The following GET4 variants were observed in gnomAD, a reference collection of about 807,000 sequenced individuals.
GET4 encodes the protein Golgi to ER traffic protein 4 homolog.
A neutral mutation model predicts 40.0 loss-of-function variants in GET4; 20 were observed. That is an observed-to-expected ratio of 0.50 (90% CI 0.35 to 0.73). The LOEUF is 0.73. Among genes scored for constraint, GET4 ranks in the 30% least tolerant of loss-of-function variants. The pLI, the probability that GET4 is intolerant of heterozygous loss-of-function variation, is 0.01. For synonymous variants in GET4, 280 were observed against 194.6 expected (o/e 1.44, Z -3.65); for missense variants, 557 against 454.0 (o/e 1.23, Z -2.06).
rs764613864 is a variant in GET4 at position 876,790 on chromosome 7, C to T, written c.145C>T (p.Leu49=). 2.4e-6 allele frequency: 3 copies of T among 1,249,110 alleles called. No homozygotes were observed. The highest frequency in any genetic ancestry group is 3.9e-5 in the East Asian group (1 of 25,934). 77.4% of individuals were successfully genotyped at this position (1,249,110 alleles called of 1,614,324 possible). A position where few individuals can be genotyped will look rare whatever the true frequency, so the allele number is the denominator to read the frequency against. Residue 49 remains leucine, a synonymous_variant, in exon 1 of 9, where the codon CTG becomes TTG. Transcript: ENST00000265857. ...CGAGGCGCACCAGATGTACCGGACC[C>T]TGTTCTTCAGGTACCCGCGCCCGGC... ...YYEAHQMYRT[L]FFRYMSQSKH...
intron 1 of GET4, chr7:880,019 C>T (rs1844052137): frequency 6.6e-6 from 1 of 152,230 alleles, no homozygotes; most frequent in South Asian, 2.1e-4. Flanking sequence ...ACCCTGATGC[C>T]TGCCGTGCCT....
At chr7:894,435 C>T (rs117028370) in intron 8 of GET4, among the ~76,000 whole-genome samples, 1 of 152,170 alleles carries the variant, frequency 6.6e-6, no homozygotes, top group Non-Finnish European at 1.5e-5. Flanking sequence ...CGCCTGCCTT[C>T]CCAGCGTCAC....
chr7:879,890 T>G (rs1311382683), intron 1 of GET4: 3 of 152,214 alleles, frequency 2.0e-5, no homozygotes, highest in Non-Finnish European at 4.4e-5. Flanking sequence ...CCGATTGTTC[T>G]TCAGGGATCA....
At chr7:886,330 G>A (rs56109762) in intron 2 of GET4, 196 bp downstream of exon 2, 77,805 of 607,096 alleles carry the variant, frequency 0.13, 6,026 homozygotes, top group Admixed American at 0.16. Flanking sequence ...TCTGCGCTGC[G>A]TTTGTGCACG....
chr7:888,791 G>A lies in GET4; in HGVS notation c.466+1272G>A, dbSNP rs368573072. On this transcript the variant is annotated intron_variant, in intron 4 of 8. Transcript: ENST00000265857. Reference sequence around the variant, plus strand: ...GCATGGCTCCACACAGAACACGGCCGCAGACAACCCTCCTGTGTCCTGCAT... The same window carrying A: ...GCATGGCTCCACACAGAACACGGCCACAGACAACCCTCCTGTGTCCTGCAT... Among the ~76,000 whole-genome samples, 27 of 152,346 alleles carry A rather than the reference G, an allele frequency of 1.8e-4. No individual in the cohort carries two copies. The East Asian group carries it at 2.5e-3, about 14-fold the overall frequency.
intron 1 of GET4, among the ~76,000 whole-genome samples, chr7:877,398 C>G (rs1459904706): frequency 8.7e-5 from 10 of 115,194 alleles, no homozygotes. Context: ...TCCCCCTGCT[C>G]CCTCCGTCTC....
chr7:888,962 C>A (rs955421990), intron 4 of GET4, among the ~76,000 whole-genome samples: 9 of 152,270 alleles, frequency 5.9e-5, no homozygotes, highest in Admixed American at 4.6e-4. Flanking sequence ...GCCACTCCTG[C>A]GCACGGGCCC....
intron 1 of GET4, chr7:878,331 T>C (rs1844010945): frequency 2.1e-6 from 1 of 471,090 alleles, no homozygotes; most frequent in Non-Finnish European, 4.4e-6. Flanking sequence ...TTGTTCTGTG[T>C]GTGGCATTCT....
In GET4 at chr7:890,999, G is replaced by C. The variant is rs377188160; in HGVS notation, c.538G>C (p.Val180Leu). The C allele has an allele frequency of 2.5e-6, 4 of 1,611,664 alleles. No individual in the cohort carries two copies. Among genetic ancestry groups the C allele is most frequent in the Non-Finnish European group, 3.4e-6 (4 of 1,178,052 alleles). Reference protein sequence around the residue: ...ADGEGCANMLVEYSTSRGFRS... With the variant: ...ADGEGCANMLLEYSTSRGFRS... The stretch of plus-strand genomic sequence containing the variant: ...CGGGGAGGGCTGTGCCAACATGCTG[G>C]TGGAGTATTCCACGTCCCGCGGCTT... The change falls in exon 5 of 9, where the codon GTG becomes CTG. Residue 180 changes from valine to leucine, a missense_variant. Coordinates refer to ENST00000265857, the MANE Select transcript of GET4 (RefSeq NM_015949.3).
At chr7:878,501 G>A (rs1844015170) in intron 1 of GET4, among the ~76,000 whole-genome samples, 1 of 151,474 alleles carries the variant, frequency 6.6e-6, no homozygotes, top group South Asian at 2.1e-4. Context: ...TTTTGATATT[G>A]TATTTAAGGG....
At chr7:893,097 G>C (rs977870737) in intron 6 of GET4, among the ~76,000 whole-genome samples, 1 of 148,386 alleles carries the variant, frequency 6.7e-6, no homozygotes, top group Non-Finnish European at 1.5e-5. Flanking sequence ...GTGCGGGCGT[G>C]GTGATGTGTG....
Position 892,299 on chromosome 7 carries a change from A to T in GET4, c.627A>T (p.Lys209Asn), listed in dbSNP as rs962509433. ...AVLQFLCLKN[K>N]SSASVVFTTY... ...CCAGGTTTCTCTGTTTAAAAAACAA[A>T]AGTAGCGCATCGGTGGTCTTCACGA... The change falls in exon 6 of 9, where the codon AAA becomes AAT. Residue 209 changes from lysine to asparagine, a missense_variant. By Grantham distance (94) the Lys-to-Asn change is moderately conservative (BLOSUM62 0). Coordinates refer to ENST00000265857, the MANE Select transcript of GET4 (RefSeq NM_015949.3). 1 of 1,589,022 alleles carries T rather than the reference A, an allele frequency of 6.3e-7. No homozygotes were observed. The highest frequency in any genetic ancestry group is 8.6e-7 in the Non-Finnish European group (1 of 1,158,858).
At chr7:883,361 G>A (rs1445734264) in intron 1 of GET4, 1 of 238,594 alleles carries the variant, frequency 4.2e-6, no homozygotes, top group Non-Finnish European at 6.8e-6. Flanking sequence ...GCCAGCTTCC[G>A]TCTGCCAAGA....
intron 1 of GET4, chr7:880,713 G>A (rs1358555501): frequency 6.6e-6 from 1 of 152,268 alleles, no homozygotes; most frequent in Non-Finnish European, 1.5e-5. Context: ...AGCCAGGAAT[G>A]AAGACTGAGT....
chr7:890,856 T>C, intron 4 of GET4, 72 bp from the exon 5 acceptor site: 1 of 1,212,068 alleles, frequency 8.3e-7, no homozygotes, highest in Non-Finnish European at 1.2e-6. Flanking sequence ...TAACATGGAG[T>C]GTCTTTCCCC....
Position 895,562 on chromosome 7 carries a change from TGTGCGGCGGCTCAGGGTG to T in GET4, c.*142_*159del, listed in dbSNP as rs1162604258. 1.9e-6 allele frequency: 1 copy of T among 523,026 alleles called. No individual in the cohort carries two copies. Among genetic ancestry groups the T allele is most frequent in the Non-Finnish European group, 3.5e-6 (1 of 289,532 alleles). The allele number at this position is 523,026 out of a possible 1,614,324, so 32.4% of individuals were successfully genotyped here. On this transcript the variant is annotated 3_prime_UTR_variant, in exon 9 of 9. Transcript: ENST00000265857. The stretch of plus-strand genomic sequence containing the variant: ...CCGCATGCCGGCGCGTGTCTGTTTC[TGTGCGGCGGCTCAGGGTG>T]GCGCGGCTGCTGCTCACTGTGCTGC...
At chr7:895,240 C>G (rs371118281) in intron 8 of GET4, 94 bp from the exon 9 acceptor site, 3 of 665,102 alleles carry the variant, frequency 4.5e-6, no homozygotes, top group African/African-American at 1.8e-5. Flanking sequence ...CCATGGGACA[C>G]TGGGACACCT....
At chr7:877,602 C>G (rs1233103239) in intron 1 of GET4, among the ~76,000 whole-genome samples, 2 of 138,272 alleles carry the variant, frequency 1.4e-5, no homozygotes, top group Non-Finnish European at 3.1e-5. Flanking sequence ...TCCACCTCCC[C>G]TGGACCTCCC....
chr7:891,046 C>A lies in GET4; in HGVS notation c.585C>A (p.Phe195Leu), dbSNP rs754149897. 2 of 1,606,968 alleles carry A rather than the reference C, an allele frequency of 1.2e-6. No individual in the cohort carries two copies. The highest frequency in any genetic ancestry group is 1.7e-6 in the Non-Finnish European group (2 of 1,175,102). The part of the protein sequence containing the change: ...SRGFRSEVDM[F>L]VAQAVLQFLC... Reference sequence around the variant, plus strand: ...GCTTCCGCAGCGAGGTGGACATGTTCGTGGCCCAGGCCGTGCTACAGTAGG... The same window carrying A: ...GCTTCCGCAGCGAGGTGGACATGTTAGTGGCCCAGGCCGTGCTACAGTAGG... Residue 195 changes from phenylalanine (F) to leucine (L), a missense_variant, in exon 5 of 9, where the codon TTC becomes TTA. Physicochemically the swap from Phe to Leu is conservative, Grantham distance 22 (BLOSUM62 0). Transcript: ENST00000265857.
Sources: gnomAD v4.1 joint callset for allele counts (sites outside exome capture counted in the v4.1 genomes callset) on GRCh38, gnomAD v4.1.1 for gene constraint, MANE v1.5 for transcripts, NCBI Gene and HGNC (gene_info 2026-07-23, HGNC 2026-07-21) for gene names.